Variants in UFSP2 observed in about 807,000 individuals in gnomAD.
UFSP2 encodes ufm1-specific protease 2.
In UFSP2, 43 loss-of-function variants were observed where a neutral mutation model predicts 60.2. The ratio of observed to expected loss-of-function variants is 0.71; its 90% confidence interval spans 0.56 to 0.92. UFSP2 has a LOEUF of 0.92. UFSP2 is among the 40% of genes least tolerant of loss of function. The pLI, the probability that UFSP2 is intolerant of heterozygous loss-of-function variation, is 0.00. For missense variants in UFSP2, 520 were observed against 575.0 expected, an observed-to-expected ratio of 0.90 and a Z score of 0.98; for synonymous variants, 183 against 195.1, an observed-to-expected ratio of 0.94 and a Z score of 0.52.
chr4:185,418,539 T>C lies in UFSP2; in HGVS notation c.267-32A>G, dbSNP rs1346596552. ...TTTTAATACACAGACATTTATAATA[T>C]GAAATGATGTTTTGAAAACATTTCT... On this transcript the variant is annotated intron_variant, in intron 3 of 11. Transcript: ENST00000264689. 6 of 1,609,662 alleles carry C rather than the reference T, an allele frequency of 3.7e-6. No individual in the cohort carries two copies. In the South Asian group the frequency reaches 5.5e-5, roughly 15 times the overall value.
intron 4 of UFSP2, 166 bp from the exon 5 acceptor site, chr4:185,416,033 CTG>C: frequency 2.0e-6 from 1 of 490,788 alleles, no homozygotes; most frequent in Non-Finnish European, 3.5e-6. Context: ...GGAGTTCAAT[CTG>C]TAACTGGCTG....
intron 11 of UFSP2, chr4:185,402,454 A>T: frequency 8.1e-6 from 3 of 371,774 alleles, no homozygotes; most frequent in Non-Finnish European, 1.6e-5. Flanking sequence ...AACTGAGGAT[A>T]TAACAGAGTT....
Position 185,399,681 on chromosome 4 carries a change from T to G in UFSP2, c.*711A>C, listed in dbSNP as rs1466199927. 1.9e-6 allele frequency: 3 copies of G among 1,614,024 alleles called. No individual in the cohort carries two copies. The highest frequency in any genetic ancestry group is 2.5e-6 in the Non-Finnish European group (3 of 1,180,034). On this transcript the variant is annotated 3_prime_UTR_variant, in exon 12 of 12. Transcript: ENST00000264689. ...AATGTATGCAGACAATAAAAGCAAG[T>G]GAACACCCTGACAGGAATGATTGTG...
intron 7 of UFSP2, among the ~76,000 whole-genome samples, chr4:185,412,136 A>T (rs1212886545): frequency 6.6e-6 from 1 of 152,222 alleles, no homozygotes; most frequent in East Asian, 1.9e-4. Context: ...TACAATTTGC[A>T]TATGTTATAT....
At chr4:185,406,851 C>T (rs1455422575) in intron 9 of UFSP2, among the ~76,000 whole-genome samples, 1 of 152,110 alleles carries the variant, frequency 6.6e-6, no homozygotes, top group African/African-American at 2.4e-5. Flanking sequence ...GCTGGGATTA[C>T]AGGCGTGAGC....
At position 185,415,224 on chromosome 4, in the gene UFSP2, C is replaced by A. The variant is rs1561116568; in HGVS notation, c.615G>T (p.Gly205=). 7 of 1,604,360 alleles carry A rather than the reference C, an allele frequency of 4.4e-6. No homozygotes were observed. The South Asian group carries it at 6.7e-5, about 15-fold the overall frequency. The part of the protein sequence containing the change: ...VPEPLHFLLP[G]KKNLVTISYP... The stretch of plus-strand genomic sequence containing the variant: ...ATGAAATTGTTACAAGATTTTTTTT[C>A]CCTGGTAATAAAAAGTGCAGTGGTT... Residue 205 remains glycine, a synonymous_variant, in exon 6 of 12, where the codon GGG becomes GGT. Transcript: ENST00000264689.
At chr4:185,406,165 T>A in intron 9 of UFSP2, 1 of 367,480 alleles carries the variant, frequency 2.7e-6, no homozygotes, top group Non-Finnish European at 5.2e-6. Flanking sequence ...ACCTTGGTGC[T>A]CAGGGAGTTC....
In UFSP2 at chr4:185,403,477, G is replaced by C. The variant is rs2095515707; in HGVS notation, c.1323+17C>G. On this transcript the variant is annotated intron_variant, in intron 11 of 11. Transcript: ENST00000264689. ...TTCTTTGCCTTTTGTCTCAATTTGTGTTAAATGGATACTTACCTTTTCCAA... is the reference window on the plus strand; with the variant it reads ...TTCTTTGCCTTTTGTCTCAATTTGTCTTAAATGGATACTTACCTTTTCCAA... 4 of 1,608,568 alleles carry C rather than the reference G, an allele frequency of 2.5e-6. No individual in the cohort carries two copies. The highest frequency in any genetic ancestry group is 1.7e-5 in the Admixed American group (1 of 58,560).
At chr4:185,403,192 C>T (rs933216141) in intron 11 of UFSP2, among the ~76,000 whole-genome samples, 5 of 152,082 alleles carry the variant, frequency 3.3e-5, no homozygotes, top group Non-Finnish European at 7.4e-5. Flanking sequence ...CATTGATAAA[C>T]TTTGATACAT....
At position 185,416,489 on chromosome 4, in the gene UFSP2, G is replaced by A. The variant is rs1033819876; in HGVS notation, c.334-622C>T. On this transcript the variant is annotated intron_variant, in intron 4 of 11. Transcript: ENST00000264689. ...GTGAAATTTACACTAAACTTATTTC[G>A]CAAAATACTGAGGATCCTGGGAGTC... Among the ~76,000 whole-genome samples, 8 of 152,068 alleles carry A rather than the reference G, an allele frequency of 5.3e-5. 1 individual carries two copies. Among genetic ancestry groups the A allele is most frequent in the Middle Eastern group, 3.2e-3 (1 of 314 alleles).
chr4:185,418,749 A>G lies in UFSP2; in HGVS notation c.104T>C (p.Leu35Pro), dbSNP rs753659775. The G allele has an allele frequency of 1.0e-5, 16 of 1,589,068 alleles. No homozygotes were observed. Among genetic ancestry groups the G allele is most frequent in the Non-Finnish European group, 1.2e-5 (14 of 1,173,770 alleles). ...TGACAGGTCACTCAACACATGTTTC[A>G]GTGCCTTCTTGAGAAAAATTTCTAA... ...TPNEIFLKKA[L>P]KHVLSDLSTK... Residue 35 changes from leucine (L) to proline (P), a missense_variant, in exon 3 of 12, where the codon CTG becomes CCG. Coordinates refer to ENST00000264689, the MANE Select transcript of UFSP2 (RefSeq NM_018359.5).
At chr4:185,401,189 A>G (rs769189194) in intron 11 of UFSP2, among the ~76,000 whole-genome samples, 16 of 152,218 alleles carry the variant, frequency 1.1e-4, no homozygotes, top group Non-Finnish European at 1.8e-4. Flanking sequence ...CCATGAAGTG[A>G]GTGACAAGCA....
At chr4:185,407,321 T>G (rs1475732937) in intron 9 of UFSP2, among the ~76,000 whole-genome samples, 1 of 152,150 alleles carries the variant, frequency 6.6e-6, no homozygotes, top group Non-Finnish European at 1.5e-5. Flanking sequence ...CCCAAAGTGC[T>G]ACGATTACAG....
intron 2 of UFSP2, among the ~76,000 whole-genome samples, chr4:185,420,405 T>C (rs1412507032): frequency 6.6e-6 from 1 of 152,194 alleles, no homozygotes; most frequent in Non-Finnish European, 1.5e-5. Flanking sequence ...AAGACAATCT[T>C]TCAATACTCA....
At chr4:185,413,950 T>A in intron 6 of UFSP2, 78 bp from the exon 7 acceptor site, 1 of 1,314,274 alleles carries the variant, frequency 7.6e-7, no homozygotes, top group Non-Finnish European at 1.0e-6. Flanking sequence ...AAGATGTTAT[T>A]AAACATGGAA....
chr4:185,404,259 A>G (rs1293082096), intron 10 of UFSP2, among the ~76,000 whole-genome samples: 1 of 149,232 alleles, frequency 6.7e-6, no homozygotes, highest in African/African-American at 2.5e-5. Flanking sequence ...GCTGCCTCTG[A>G]GTACCTCCAG....
chr4:185,413,471 A>G (rs906709046), intron 7 of UFSP2, among the ~76,000 whole-genome samples: 1 of 152,076 alleles, frequency 6.6e-6, no homozygotes, highest in African/African-American at 2.4e-5. Context: ...GTTCAGAATG[A>G]AAAAAAATGG....
chr4:185,403,388 A>C, intron 11 of UFSP2, 106 bp downstream of exon 11: 1 of 1,414,352 alleles, frequency 7.1e-7, no homozygotes, highest in Non-Finnish European at 9.6e-7. Flanking sequence ...CCACACAGGG[A>C]GATCTCTGCC....
chr4:185,401,443 T>C (rs984714467), intron 11 of UFSP2, among the ~76,000 whole-genome samples: 7 of 152,208 alleles, frequency 4.6e-5, no homozygotes, highest in Admixed American at 3.9e-4. Context: ...CATGAAGGCC[T>C]TGTCCAGGTA....
Sources: allele counts gnomAD v4.1 joint callset (sites outside exome capture counted in the v4.1 genomes callset), GRCh38; gene constraint gnomAD v4.1.1; transcripts MANE v1.5; gene names NCBI Gene and HGNC (gene_info 2026-07-23, HGNC 2026-07-21).